Variants in GNB5 observed in about 807,000 individuals in gnomAD.
The protein encoded by GNB5 is guanine nucleotide-binding protein subunit beta-5.
Under a neutral mutation model 55.3 loss-of-function variants are expected in GNB5, and 37 were observed. The observed-to-expected ratio is 0.67, with a 90% CI of 0.51 to 0.88. The LOEUF is 0.88. GNB5 is among the 40% of genes least tolerant of loss of function. The probability of loss-of-function intolerance (pLI) is 0.00; values close to 1 mark genes in which losing one functional copy is unlikely to be tolerated. For synonymous variants in GNB5, 219 were observed against 198.5 expected (o/e 1.10, Z -0.87); for missense variants, 476 against 515.3 (o/e 0.92, Z 0.74).
chr15:52,144,857 G>A (rs932307082), intron 6 of GNB5, among the ~76,000 whole-genome samples: 1 of 152,138 alleles, frequency 6.6e-6, no homozygotes, highest in Non-Finnish European at 1.5e-5. Flanking sequence ...AGGAAACAAC[G>A]CCGTCAGTGA....
intron 6 of GNB5, among the ~76,000 whole-genome samples, chr15:52,143,199 T>G (rs2033897234): frequency 6.6e-6 from 1 of 151,870 alleles, no homozygotes; most frequent in Admixed American, 6.6e-5. Context: ...AGAGAATGAT[T>G]TGCACTTAGG....
intron 9 of GNB5, among the ~76,000 whole-genome samples, chr15:52,131,064 G>A (rs1346034933): frequency 1.3e-5 from 2 of 152,204 alleles, no homozygotes; most frequent in Non-Finnish European, 2.9e-5. Context: ...GACCTAAAGT[G>A]ATCCGCCCAC....
At chr15:52,149,682 C>G (rs562219686) in intron 5 of GNB5, 3 of 648,726 alleles carry the variant, frequency 4.6e-6, no homozygotes, top group Non-Finnish European at 8.5e-6. Flanking sequence ...CCTCTTGGGG[C>G]GAGAGGGGAA....
intron 3 of GNB5, among the ~76,000 whole-genome samples, chr15:52,161,385 C>T (rs2034328297): frequency 6.6e-6 from 1 of 152,204 alleles, no homozygotes; most frequent in South Asian, 2.1e-4. Context: ...GCAACCTCCA[C>T]CTTCCAGGTT....
intron 2 of GNB5, among the ~76,000 whole-genome samples, chr15:52,182,446 C>A (rs550087183): frequency 6.6e-6 from 1 of 152,262 alleles, no homozygotes; most frequent in East Asian, 1.9e-4. Context: ...TCTGGGGGTT[C>A]TTTGTGTAAA....
At chr15:52,143,947 T>C (rs1392480157) in intron 6 of GNB5, 1 of 152,230 alleles carries the variant, frequency 6.6e-6, no homozygotes, top group Non-Finnish European at 1.5e-5. Flanking sequence ...AAAAATGCCT[T>C]CACAAATGTT....
At chr15:52,148,892 G>A (rs1303485878) in intron 5 of GNB5, among the ~76,000 whole-genome samples, 4 of 152,114 alleles carry the variant, frequency 2.6e-5, no homozygotes, top group Non-Finnish European at 4.4e-5. Flanking sequence ...TCCCTGCCAC[G>A]GGCCACAAGT....
intron 1 of GNB5, among the ~76,000 whole-genome samples, chr15:52,186,109 A>T (rs1758683936): frequency 6.6e-6 from 1 of 152,144 alleles, no homozygotes; most frequent in African/African-American, 2.4e-5. Context: ...CCATTGGCAC[A>T]AGTAGCTAAA....
rs114975585 is a variant in GNB5 at position 52,115,482 on chromosome 15, G to A, written c.*7275C>T. ...GATTACATGAATCGGTATATACAAA[G>A]TGCTTAGCACAGTACCTGGCACACA... On this transcript the variant is annotated 3_prime_UTR_variant, in exon 13 of 13. Transcript: ENST00000261837. 195 of 152,320 alleles carry A rather than the reference G, an allele frequency of 1.3e-3. 1 individual carries two copies. The highest frequency in any genetic ancestry group is 4.2e-3 in the African/African-American group (176 of 41,562). The allele number at this position is 152,320 out of a possible 1,614,324, so 9.4% of individuals were successfully genotyped here.
intron 1 of GNB5, among the ~76,000 whole-genome samples, chr15:52,190,778 TAAAAAAAAAAAAA>T (rs58614125): frequency 0.011 from 1,097 of 96,738 alleles, 4 homozygotes; most frequent in African/African-American, 0.027. Context: ...CTTATTTCCT[TAAAAAAAAAAAAA>T]AAAAAAAAAA....
At position 52,137,153 on chromosome 15, in the gene GNB5, C is replaced by G. The variant is rs1003705532; in HGVS notation, c.628-1397G>C. 1.3e-5 allele frequency: 11 copies of G among 822,934 alleles called. No individual in the cohort carries two copies. The African/African-American group carries it at 1.8e-4, about 14-fold the overall frequency. 51.0% of individuals were successfully genotyped at this position (822,934 alleles called of 1,614,324 possible). Reference sequence around the variant, plus strand: ...TTTTCAGAACCTACTAAGATTCTGCCAAGTGGAGGTTCTCCCTTACTGTGG... The same window carrying G: ...TTTTCAGAACCTACTAAGATTCTGCGAAGTGGAGGTTCTCCCTTACTGTGG... On this transcript the variant is annotated intron_variant, in intron 7 of 12. Coordinates refer to ENST00000261837, the MANE Select transcript of GNB5 (RefSeq NM_016194.4).
chr15:52,166,033 G>A lies in GNB5; in HGVS notation c.239-11957C>T, dbSNP rs543810427. On this transcript the variant is annotated intron_variant, in intron 3 of 12. Coordinates refer to ENST00000261837, the MANE Select transcript of GNB5 (RefSeq NM_016194.4). ...AAATGGAAAACAGAAAAAAGCAGGC[G>A]TTGCAATCCTAGTTTCCAACAAAAC... is the stretch of plus-strand genomic sequence containing the variant. Among the ~76,000 whole-genome samples, 8 of 152,228 alleles carry A rather than the reference G, an allele frequency of 5.3e-5. No homozygotes were observed. The South Asian group carries it at 6.2e-4, about 12-fold the overall frequency.
intron 3 of GNB5, among the ~76,000 whole-genome samples, chr15:52,177,183 T>G (rs2034668629): frequency 6.6e-6 from 1 of 151,702 alleles, no homozygotes; most frequent in South Asian, 2.1e-4. Context: ...TACAGGCACC[T>G]GCCACCATGC....
chr15:52,128,878 G>A (rs2033500107), intron 9 of GNB5: 1 of 394,914 alleles, frequency 2.5e-6, no homozygotes, highest in South Asian at 1.9e-5. Flanking sequence ...GCCAGAGGCA[G>A]AATGAGAGCA....
At chr15:52,128,755 T>A (rs1566932933) in intron 9 of GNB5, 1 of 456,772 alleles carries the variant, frequency 2.2e-6, no homozygotes, top group Non-Finnish European at 4.4e-6. Context: ...AGACAGTCCA[T>A]GCAAAGAATC....
rs2034771734 is a variant in GNB5, at chr15:52,181,617, ACAAAAAC to A, written c.127-1745_127-1739del. Among the ~76,000 whole-genome samples, 3 of 151,978 alleles carry A rather than the reference ACAAAAAC, an allele frequency of 2.0e-5. No individual in the cohort carries two copies. The South Asian group carries it at 6.2e-4, about 32-fold the overall frequency. ...GGCAACAGAGCAAGACTCAAAAAAAACAAAAACAAAAACAAAAACAAAACAAAAAAAG... is the reference window on the plus strand; with the variant it reads ...GGCAACAGAGCAAGACTCAAAAAAAAAAAAACAAAAACAAAACAAAAAAAG... On this transcript the variant is annotated intron_variant, in intron 2 of 12. Coordinates refer to ENST00000261837, the MANE Select transcript of GNB5 (RefSeq NM_016194.4).
chr15:52,127,085 C>T (rs149687418), intron 10 of GNB5, among the ~76,000 whole-genome samples: 2 of 152,278 alleles, frequency 1.3e-5, no homozygotes, highest in Non-Finnish European at 2.9e-5. Context: ...GCATGAACCA[C>T]CGTGCCTGGC....
intron 6 of GNB5, among the ~76,000 whole-genome samples, chr15:52,142,395 G>GT (rs1566937854): frequency 6.6e-6 from 1 of 152,036 alleles, no homozygotes; most frequent in Admixed American, 6.6e-5. Context: ...AATGTCTTCC[G>GT]TATTTATTAG....
chr15:52,138,712 T>C (rs1373190980), intron 7 of GNB5: 2 of 152,168 alleles, frequency 1.3e-5, no homozygotes, highest in Admixed American at 6.6e-5. Flanking sequence ...TTGCAGTAAC[T>C]TACAGTTTAT....
Sources: allele counts gnomAD v4.1 joint callset (sites outside exome capture counted in the v4.1 genomes callset), GRCh38; gene constraint gnomAD v4.1.1; transcripts MANE v1.5; gene names NCBI Gene and HGNC (gene_info 2026-07-23, HGNC 2026-07-21).